DDX50: variants seen among roughly 807,000 people sequenced by gnomAD.
DDX50 encodes DExD-box helicase 50, also known as ATP-dependent RNA helicase DDX50.
DDX50 carries 56 observed loss-of-function variants against 94.8 expected under a neutral mutation model. The observed-to-expected ratio is 0.59, with a 90% CI of 0.48 to 0.74. DDX50 has a LOEUF of 0.74. Among genes scored for constraint, DDX50 ranks in the 30% least tolerant of loss-of-function variants. DDX50 has a pLI of 0.00. For missense variants in DDX50, 713 were observed against 881.2 expected (o/e 0.81, Z 2.42); for synonymous variants, 264 against 295.4 (o/e 0.89, Z 1.09).
At chr10:68,936,548 A>C (rs1289706608) in intron 11 of DDX50, among the ~76,000 whole-genome samples, 7 of 112,608 alleles carry the variant, frequency 6.2e-5, no homozygotes, top group Non-Finnish European at 1.2e-4. Context: ...ATATATATAT[A>C]TAAAATGTGG....
intron 14 of DDX50, among the ~76,000 whole-genome samples, chr10:68,945,992 ATATT>A (rs1356243488): frequency 5.3e-5 from 8 of 151,978 alleles, no homozygotes; most frequent in South Asian, 2.1e-4. Flanking sequence ...TTTAGAATGT[ATATT>A]TATTAGAATA....
chr10:68,914,631 T>C (rs1351718180), intron 7 of DDX50, among the ~76,000 whole-genome samples: 1 of 152,132 alleles, frequency 6.6e-6, no homozygotes, highest in Non-Finnish European at 1.5e-5. Context: ...ACCAAAAAAA[T>C]TTCTCAAAGA....
chr10:68,905,373 G>T (rs1168508662), intron 1 of DDX50, among the ~76,000 whole-genome samples: 1 of 151,256 alleles, frequency 6.6e-6, no homozygotes, highest in Non-Finnish European at 1.5e-5. Context: ...AAAAATCCAG[G>T]ATTACTGTCC....
At chr10:68,903,668 G>A (rs544121751) in intron 1 of DDX50, among the ~76,000 whole-genome samples, 2 of 152,198 alleles carry the variant, frequency 1.3e-5, no homozygotes, top group South Asian at 4.1e-4. Flanking sequence ...GGGCATGGTG[G>A]CACATGCCTG....
chr10:68,917,465 C>T lies in DDX50; in HGVS notation c.1090-2367C>T, dbSNP rs568173148. ...CAGTGTGAGACTCCGTCTCAAAAAA[C>T]AACAAAAAAACTCATTTGCCTTATG... is the stretch of plus-strand genomic sequence containing the variant. On this transcript the variant is annotated intron_variant, in intron 7 of 14. Coordinates refer to ENST00000373585, the MANE Select transcript of DDX50 (RefSeq NM_024045.2). 3.9e-5 allele frequency among the ~76,000 whole-genome samples: 6 copies of T among 151,982 alleles called. No homozygotes were observed. The South Asian group carries it at 6.3e-4, about 16-fold the overall frequency.
intron 10 of DDX50, 141 bp from the exon 11 acceptor site, chr10:68,935,865 A>T (rs1384652959): frequency 1.6e-6 from 1 of 630,406 alleles, no homozygotes; most frequent in African/African-American, 1.9e-5. Flanking sequence ...AACAAAAAAG[A>T]TAAAACTGAT....
At chr10:68,928,299 G>A (rs914546735) in intron 8 of DDX50, among the ~76,000 whole-genome samples, 13 of 152,052 alleles carry the variant, frequency 8.5e-5, no homozygotes, top group Non-Finnish European at 1.5e-4. Flanking sequence ...CTGGGCGACC[G>A]AGTGAGACCC....
intron 14 of DDX50, among the ~76,000 whole-genome samples, chr10:68,944,212 A>G (rs917144956): frequency 2.6e-5 from 4 of 152,194 alleles, no homozygotes; most frequent in Admixed American, 2.0e-4. Flanking sequence ...AACTTTTTAA[A>G]TACAGGGTCC....
At chr10:68,910,940 A>G (rs7918860) in intron 3 of DDX50, 128 bp from the exon 4 acceptor site, 273,971 of 627,382 alleles carry the variant, frequency 0.44, 62,191 homozygotes, top group Non-Finnish European at 0.49. Context: ...TGTGGTAGGA[A>G]TAACTGTGTC....
chr10:68,936,785 G>T (rs1167618061), intron 11 of DDX50, 151 bp from the exon 12 acceptor site: 1 of 659,256 alleles, frequency 1.5e-6, no homozygotes, highest in Non-Finnish European at 2.3e-6. Context: ...AGGCTGCAGT[G>T]AGCCAAGATC....
intron 7 of DDX50, among the ~76,000 whole-genome samples, chr10:68,918,028 G>A (rs1841846892): frequency 6.6e-6 from 1 of 151,658 alleles, no homozygotes; most frequent in Non-Finnish European, 1.5e-5. Context: ...GGGTTCAAGC[G>A]ATTCTCCTGC....
At chr10:68,941,800 C>G (rs1186787860) in intron 13 of DDX50, among the ~76,000 whole-genome samples, 1 of 151,924 alleles carries the variant, frequency 6.6e-6, no homozygotes, top group Admixed American at 6.6e-5. Context: ...CCACTATGCC[C>G]AGCTAATTTT....
intron 10 of DDX50, 46 bp from the exon 11 acceptor site, chr10:68,935,960 T>C (rs373078233): frequency 1.2e-4 from 156 of 1,297,766 alleles, no homozygotes; most frequent in Non-Finnish European, 1.6e-4. Flanking sequence ...TAGGAATTAA[T>C]TGTAAAGACT....
Position 68,922,796 on chromosome 10 carries a change from C to CTT in DDX50, c.1239+2830_1239+2831dup, listed in dbSNP as rs753989835. 6.7e-4 allele frequency among the ~76,000 whole-genome samples: 89 copies of CTT among 133,512 alleles called. 3 individuals are homozygous for CTT. Among genetic ancestry groups the CTT allele is most frequent in the East Asian group, 2.0e-3 (9 of 4,600 alleles). The allele number at this position is 133,512 out of a possible 152,430, so 87.6% of individuals were successfully genotyped here. ...TGACAGAGTATGACCCTTTCTCTCT[C>CTT]TTTTTTTTTTTTTTTTGAGAGTCTC... On this transcript the variant is annotated intron_variant, in intron 8 of 14. Transcript: ENST00000373585.
chr10:68,909,199 T>C (rs1238574230), intron 2 of DDX50, among the ~76,000 whole-genome samples: 1 of 152,248 alleles, frequency 6.6e-6, no homozygotes, highest in Non-Finnish European at 1.5e-5. Flanking sequence ...TTAAATGGCA[T>C]GCCATTTGAA....
At chr10:68,913,325 CAT>C (rs1564603360) in intron 5 of DDX50, 46 bp downstream of exon 5, 1 of 1,601,862 alleles carries the variant, frequency 6.2e-7, no homozygotes, top group Admixed American at 1.7e-5. Context: ...ATTTGATACT[CAT>C]ATTTAAATAA....
In DDX50 at chr10:68,946,682, T is replaced by G; in HGVS notation, c.*52T>G. On this transcript the variant is annotated 3_prime_UTR_variant, in exon 15 of 15. Coordinates refer to ENST00000373585, the MANE Select transcript of DDX50 (RefSeq NM_024045.2). Reference sequence around the variant, plus strand: ...GAGCTTGCCTATTTCTGCCTAATCATGTACATTATCCACCAAAAATTAGGT... The same window carrying G: ...GAGCTTGCCTATTTCTGCCTAATCAGGTACATTATCCACCAAAAATTAGGT... 1 of 1,567,358 alleles carries G rather than the reference T, an allele frequency of 6.4e-7. No individual in the cohort carries two copies. Among genetic ancestry groups the G allele is most frequent in the East Asian group, 2.3e-5 (1 of 44,240 alleles).
At position 68,934,423 on chromosome 10, in the gene DDX50, C is replaced by T; in HGVS notation, c.1401+63C>T. On this transcript the variant is annotated intron_variant, in intron 9 of 14. Coordinates refer to ENST00000373585, the MANE Select transcript of DDX50 (RefSeq NM_024045.2). This position sits in a 1 kb window ranked among gnomAD's most constrained non-coding sequence, Gnocchi z 4.0. ...ATTTTATAAATTCCCATTTAATTTA[C>T]AACATATTGCTTGGGATGTGAAAAA... 6.3e-7 allele frequency: 1 copy of T among 1,594,672 alleles called. No homozygotes were observed. Among genetic ancestry groups the T allele is most frequent in the Non-Finnish European group, 8.5e-7 (1 of 1,171,638 alleles).
rs1264142276 is a variant in DDX50, at chr10:68,937,107, T to C, written c.1755+12T>C. ...TCACCTCTGATAAGGTAGAAATCTG[T>C]GAGAAAATTGTACATGAGTGGGAAA... is the stretch of plus-strand genomic sequence containing the variant. On this transcript the variant is annotated intron_variant, in intron 12 of 14. Coordinates refer to ENST00000373585, the MANE Select transcript of DDX50 (RefSeq NM_024045.2). 1 of 1,580,266 alleles carries C rather than the reference T, an allele frequency of 6.3e-7. No homozygotes were observed. Among genetic ancestry groups the C allele is most frequent in the South Asian group, 1.1e-5 (1 of 87,446 alleles).
Sources: gnomAD v4.1 joint callset for allele counts (sites outside exome capture counted in the v4.1 genomes callset) on GRCh38, gnomAD v4.1.1 for gene constraint, Gnocchi (gnomAD v3.1) non-coding constraint, MANE v1.5 for transcripts, NCBI Gene and HGNC (gene_info 2026-07-23, HGNC 2026-07-21) for gene names.